The following CNTN4 variants were observed in gnomAD, a reference collection of about 807,000 sequenced individuals.
CNTN4 encodes contactin-4.
A neutral mutation model predicts 122.5 loss-of-function variants in CNTN4; 77 were observed. That is an observed-to-expected ratio of 0.63 (90% CI 0.52 to 0.76). The LOEUF is 0.76. CNTN4 is among the 30% of genes least tolerant of loss of function. The probability of loss-of-function intolerance (pLI) is 0.00; values close to 1 mark genes in which losing one functional copy is unlikely to be tolerated. For synonymous variants in CNTN4, 512 were observed against 447.0 expected (o/e 1.15, Z -1.83); for missense variants, 1,256 against 1,259.1 (o/e 1.00, Z 0.04).
At chr3:2,706,939 A>G (rs1335331675) in intron 4 of CNTN4, among the ~76,000 whole-genome samples, 1 of 152,104 alleles carries the variant, frequency 6.6e-6, no homozygotes, top group Non-Finnish European at 1.5e-5. Flanking sequence ...AAGTGCCCAG[A>G]AGTGTAACTG....
rs558279419 is a variant in CNTN4, at chr3:2,840,640, A to G, written c.454+21059A>G. On this transcript the variant is annotated intron_variant, in intron 7 of 24. Coordinates refer to ENST00000418658, the MANE Select transcript of CNTN4 (RefSeq NM_175607.3). ...CGGGAACCCGGGAGGCGGAGCTTGC[A>G]GTGAGCCAAGATCACACCACTGCAC... 3.9e-3 allele frequency among the ~76,000 whole-genome samples: 557 copies of G among 142,084 alleles called. 12 individuals are homozygous for G. Among genetic ancestry groups the G allele is most frequent in the South Asian group, 0.028 (107 of 3,836 alleles). 93.2% of individuals were successfully genotyped at this position (142,084 alleles called of 152,430 possible).
intron 7 of CNTN4, among the ~76,000 whole-genome samples, chr3:2,852,716 T>G (rs960771360): frequency 6.6e-6 from 1 of 152,216 alleles, no homozygotes; most frequent in Non-Finnish European, 1.5e-5. Flanking sequence ...TTCAAGACCA[T>G]GTACGTCTAA....
At chr3:2,922,322 T>C (rs1417016389) in intron 12 of CNTN4, among the ~76,000 whole-genome samples, 1 of 152,218 alleles carries the variant, frequency 6.6e-6, no homozygotes, top group Non-Finnish European at 1.5e-5. Context: ...CCTTTCACTT[T>C]TCCTTCAAAC....
At chr3:2,858,619 A>G (rs902901970) in intron 7 of CNTN4, among the ~76,000 whole-genome samples, 1 of 151,992 alleles carries the variant, frequency 6.6e-6, no homozygotes, top group African/African-American at 2.4e-5. Flanking sequence ...CCCACTTGGG[A>G]GGCCGAGATG....
At chr3:2,814,324 A>C (rs1364651007) in intron 6 of CNTN4, among the ~76,000 whole-genome samples, 6 of 152,254 alleles carry the variant, frequency 3.9e-5, no homozygotes, top group Non-Finnish European at 8.8e-5. Flanking sequence ...CACATTATTT[A>C]TTCAATACTA....
intron 3 of CNTN4, among the ~76,000 whole-genome samples, chr3:2,455,282 TC>T (rs1252158772): frequency 6.6e-6 from 1 of 152,162 alleles, no homozygotes; most frequent in African/African-American, 2.4e-5. Flanking sequence ...TAACCATTAT[TC>T]TTCATTTGGG....
chr3:2,788,044 C>A (rs6764838), intron 6 of CNTN4, among the ~76,000 whole-genome samples: 48,034 of 151,882 alleles, frequency 0.32, 7,706 homozygotes, highest in Middle Eastern at 0.33. Context: ...CCCACCTCGG[C>A]CTCTCAAAGT....
At chr3:2,612,176 A>G (rs975827846) in intron 4 of CNTN4, among the ~76,000 whole-genome samples, 1 of 152,034 alleles carries the variant, frequency 6.6e-6, no homozygotes, top group Non-Finnish European at 1.5e-5. Flanking sequence ...CAATAGGGTT[A>G]CATCCCGATA....
intron 4 of CNTN4, among the ~76,000 whole-genome samples, chr3:2,590,423 A>G (rs918464820): frequency 6.6e-6 from 1 of 151,824 alleles, no homozygotes; most frequent in Admixed American, 6.6e-5. Flanking sequence ...CGTCCAGCTA[A>G]TTTTTGTATT....
chr3:2,602,525 C>A (rs1196237441), intron 4 of CNTN4, among the ~76,000 whole-genome samples: 1 of 152,144 alleles, frequency 6.6e-6, no homozygotes, highest in Admixed American at 6.5e-5. Context: ...AGGAATCCAA[C>A]TTACAAGGGA....
At chr3:2,884,414 T>C (rs1025587104) in intron 9 of CNTN4, among the ~76,000 whole-genome samples, 4 of 152,334 alleles carry the variant, frequency 2.6e-5, no homozygotes, top group Non-Finnish European at 5.9e-5. Flanking sequence ...GTCGTATCTT[T>C]ACTTTGGTAC....
chr3:2,423,407 A>T (rs17194378), intron 3 of CNTN4, among the ~76,000 whole-genome samples: 2 of 151,644 alleles, frequency 1.3e-5, no homozygotes, highest in Admixed American at 6.6e-5. Flanking sequence ...AACATTGATC[A>T]TGCTCATCCA....
intron 3 of CNTN4, among the ~76,000 whole-genome samples, chr3:2,555,222 G>C (rs1252140592): frequency 2.6e-5 from 4 of 152,104 alleles, no homozygotes; most frequent in Non-Finnish European, 5.9e-5. Context: ...AGGTAACCAG[G>C]AAAAATACTA....
chr3:2,521,154 T>G (rs191434392), intron 3 of CNTN4, among the ~76,000 whole-genome samples: 2 of 152,196 alleles, frequency 1.3e-5, no homozygotes, highest in African/African-American at 4.8e-5. Flanking sequence ...ATATAGGCCA[T>G]ATGAAGTGGA....
At chr3:2,364,318 T>G (rs1281317355) in intron 3 of CNTN4, among the ~76,000 whole-genome samples, 2 of 152,198 alleles carry the variant, frequency 1.3e-5, no homozygotes. Flanking sequence ...TAGATAGAAA[T>G]TCATTAAATT....
intron 2 of CNTN4, among the ~76,000 whole-genome samples, chr3:2,160,410 G>A: frequency 6.6e-6 from 1 of 152,118 alleles, no homozygotes; most frequent in Non-Finnish European, 1.5e-5. Context: ...CCATGTCCTG[G>A]ATGGCCTTAT....
At chr3:2,471,868 A>C (rs1396222548) in intron 3 of CNTN4, among the ~76,000 whole-genome samples, 1 of 152,184 alleles carries the variant, frequency 6.6e-6, no homozygotes, top group African/African-American at 2.4e-5. Flanking sequence ...TATTTTCGTC[A>C]AAGCTGTATA....
chr3:2,108,716 C>A (rs2729005), intron 2 of CNTN4, among the ~76,000 whole-genome samples: 85,690 of 151,882 alleles, frequency 0.56, 24,474 homozygotes, highest in Admixed American at 0.66. Context: ...GGGTTGTTAG[C>A]TAATTAAAAG....
At chr3:2,797,181 TG>T (rs1231771171) in intron 6 of CNTN4, among the ~76,000 whole-genome samples, 1 of 152,062 alleles carries the variant, frequency 6.6e-6, no homozygotes, top group African/African-American at 2.4e-5. Context: ...TTTAATTTTT[TG>T]TCAAGCTGGG....
Sources: gnomAD v4.1 joint callset for allele counts (sites outside exome capture counted in the v4.1 genomes callset) on GRCh38, gnomAD v4.1.1 for gene constraint, MANE v1.5 for transcripts, NCBI Gene and HGNC (gene_info 2026-07-23, HGNC 2026-07-21) for gene names.